Variants in MED23 observed in about 807,000 individuals in gnomAD.
The protein encoded by MED23 is mediator complex subunit 23, also known as mediator of RNA polymerase II transcription subunit 23.
Under a neutral mutation model 163.9 loss-of-function variants are expected in MED23, and 105 were observed. That is an observed-to-expected ratio of 0.64 (90% CI 0.55 to 0.75). MED23 has a LOEUF of 0.75. MED23 is among the 30% of genes least tolerant of loss of function. MED23 has a pLI of 0.00. For missense variants in MED23, 1,054 were observed against 1,649.0 expected, an observed-to-expected ratio of 0.64 and a Z score of 6.25; for synonymous variants, 561 against 565.6, an observed-to-expected ratio of 0.99 and a Z score of 0.12.
At chr6:131,585,595 G>A (rs1196388401), downstream of MED23, among the ~76,000 whole-genome samples, 5 of 152,254 alleles carry the variant, frequency 3.3e-5, no homozygotes, top group African/African-American at 7.2e-5. Context: ...CATTTCAAAT[G>A]CTTCCTAGAT....
intron 20 of MED23, among the ~76,000 whole-genome samples, chr6:131,597,881 T>C (rs1775185438): frequency 6.6e-6 from 1 of 151,440 alleles, no homozygotes; most frequent in Non-Finnish European, 1.5e-5. Flanking sequence ...AGCCCAGGAG[T>C]TCGAGACCAG....
At chr6:131,620,960 G>T (rs1301155691) in intron 6 of MED23, among the ~76,000 whole-genome samples, 3 of 151,988 alleles carry the variant, frequency 2.0e-5, no homozygotes, top group African/African-American at 7.2e-5. Context: ...ATGCCAGCAG[G>T]CCCGGCTAAC....
chr6:131,584,995 A>G (rs199519748), downstream of MED23, among the ~76,000 whole-genome samples: 3 of 99,544 alleles, frequency 3.0e-5, no homozygotes, highest in African/African-American at 5.9e-5. Context: ...TGAGACCCTG[A>G]AAAAAAAAAA....
At chr6:131,593,960 C>A in intron 23 of MED23, 139 bp downstream of exon 23, 1 of 681,450 alleles carries the variant, frequency 1.5e-6, no homozygotes, top group South Asian at 2.0e-5. Context: ...CAAATCTTTA[C>A]AGAGATGAAA....
chr6:131,589,845 C>A (rs903751000), intron 27 of MED23, among the ~76,000 whole-genome samples: 1 of 152,188 alleles, frequency 6.6e-6, no homozygotes, highest in Non-Finnish European at 1.5e-5. Flanking sequence ...AGTAATTTCT[C>A]TTAAAATCAA....
intron 30 of MED23, among the ~76,000 whole-genome samples, chr6:131,579,979 A>G (rs1236495053): frequency 6.6e-6 from 1 of 152,136 alleles, no homozygotes; most frequent in East Asian, 1.9e-4. Context: ...TTGCTGCATG[A>G]TTTTTCATCA....
intron 20 of MED23, among the ~76,000 whole-genome samples, chr6:131,597,696 A>G (rs1433397558): frequency 1.3e-5 from 2 of 152,128 alleles, no homozygotes; most frequent in East Asian, 1.9e-4. Context: ...TTTTCAAAGT[A>G]TCACAAGGCT....
chr6:131,619,805 A>ATTT (rs1776956871), intron 8 of MED23, 22 bp downstream of exon 8: 1 of 1,549,864 alleles, frequency 6.5e-7, no homozygotes, highest in Non-Finnish European at 8.9e-7. Context: ...ACTATTTGGC[A>ATTT]TATTTAAAAT....
intron 14 of MED23, among the ~76,000 whole-genome samples, chr6:131,604,899 A>G (rs986052430): frequency 6.6e-6 from 1 of 152,198 alleles, no homozygotes; most frequent in Non-Finnish European, 1.5e-5. Flanking sequence ...AAGACTACTA[A>G]TAAAAAATCT....
chr6:131,582,312 G>A (rs534453895), downstream of MED23, among the ~76,000 whole-genome samples: 92 of 152,264 alleles, frequency 6.0e-4, no homozygotes, highest in African/African-American at 2.1e-3. Context: ...TACTGAGAAA[G>A]GGAAGTAAAG....
Position 131,587,036 on chromosome 6 carries a change from C to A in MED23, c.*643G>T, listed in dbSNP as rs1774228370. 2 of 1,429,172 alleles carry A rather than the reference C, an allele frequency of 1.4e-6. No individual in the cohort carries two copies. Among genetic ancestry groups the A allele is most frequent in the Non-Finnish European group, 1.8e-6 (2 of 1,088,590 alleles). 88.5% of individuals were successfully genotyped at this position (1,429,172 alleles called of 1,614,324 possible). A position where few individuals can be genotyped will look rare whatever the true frequency, so the allele number is the denominator to read the frequency against. ...AGAATTTTCAGATGTTATTTTCTTACATGGCTTCCAACTAATTTTATACAG... is the reference window on the plus strand; with the variant it reads ...AGAATTTTCAGATGTTATTTTCTTAAATGGCTTCCAACTAATTTTATACAG... On this transcript the variant is annotated 3_prime_UTR_variant, in exon 29 of 29. Transcript: ENST00000368068.
At chr6:131,607,312 T>A (rs1047201450) in intron 12 of MED23, among the ~76,000 whole-genome samples, 7 of 151,778 alleles carry the variant, frequency 4.6e-5, no homozygotes, top group African/African-American at 1.7e-4. Context: ...TCTTAAAATT[T>A]TCTGGGCAGA....
intron 4 of MED23, 119 bp downstream of exon 4, chr6:131,624,745 AC>A: frequency 9.2e-7 from 1 of 1,092,278 alleles, no homozygotes; most frequent in Non-Finnish European, 1.4e-6. Flanking sequence ...ATAAAGGATT[AC>A]TTGATAAACC....
At position 131,593,035 on chromosome 6, in the gene MED23, C is replaced by T. The variant is rs1774765583; in HGVS notation, c.3369G>A (p.Gly1123=). Residue 1123 remains glycine, a synonymous_variant, in exon 24 of 29, where the codon GGG becomes GGA. Coordinates refer to ENST00000368068, the MANE Select transcript of MED23 (RefSeq NM_004830.4). The part of the protein sequence containing the change: ...MALAVSGKEV[G]NALLNVVLKS... ...TTAGGACAACATTTAGAAGGGCATT[C>T]CCAACTTCTTTGCCTGAAACTGCCA... is the stretch of plus-strand genomic sequence containing the variant. 3 of 1,614,206 alleles carry T rather than the reference C, an allele frequency of 1.9e-6. No homozygotes were observed. Among genetic ancestry groups the T allele is most frequent in the Non-Finnish European group, 1.7e-6 (2 of 1,180,022 alleles).
intron 7 of MED23, among the ~76,000 whole-genome samples, 166 bp downstream of exon 7, chr6:131,620,462 G>C (rs964876550): frequency 1.3e-5 from 2 of 152,028 alleles, no homozygotes; most frequent in African/African-American, 4.8e-5. Flanking sequence ...ATATGTGTGC[G>C]TGTGTTTTTT....
chr6:131,625,046 T>C, intron 3 of MED23, 57 bp from the exon 4 acceptor site: 2 of 1,520,034 alleles, frequency 1.3e-6, no homozygotes, highest in African/African-American at 1.4e-5. Context: ...TTATAACCAA[T>C]AGCTAATACT....
At chr6:131,583,733 T>A (rs1296257255), downstream of MED23, 1 of 1,612,858 alleles carries the variant, frequency 6.2e-7, no homozygotes, top group South Asian at 1.1e-5. Context: ...TTACAATTTG[T>A]TGTTGTAGGG....
At chr6:131,576,656 T>C (rs763301564) in intron 30 of MED23, 1 of 1,613,342 alleles carries the variant, frequency 6.2e-7, no homozygotes, top group Non-Finnish European at 8.5e-7. Flanking sequence ...ATTTTTTAAT[T>C]GTTCAGCCAC....
chr6:131,619,476 T>G (rs77556136), intron 8 of MED23, among the ~76,000 whole-genome samples: 2,939 of 152,312 alleles, frequency 0.019, 105 homozygotes, highest in African/African-American at 0.066. Context: ...AGCCTGACAC[T>G]TTCACGTTCT....
Sources: gnomAD v4.1 joint callset for allele counts (sites outside exome capture counted in the v4.1 genomes callset) on GRCh38, gnomAD v4.1.1 for gene constraint, MANE v1.5 for transcripts, NCBI Gene and HGNC (gene_info 2026-07-23, HGNC 2026-07-21) for gene names.